VPS37B: variants seen among roughly 807,000 people sequenced by gnomAD.
The protein encoded by VPS37B is vacuolar protein sorting-associated protein 37B.
In VPS37B, 11 loss-of-function variants were observed where a neutral mutation model predicts 21.2. The observed-to-expected ratio is 0.52, with a 90% confidence interval of 0.33 to 0.86. The LOEUF (loss-of-function observed/expected upper bound fraction) is 0.86, where lower values mean the gene tolerates loss of function less well. VPS37B is among the 40% of genes least tolerant of loss of function. The pLI is 0.03. For synonymous variants in VPS37B, 175 were observed against 159.6 expected, an observed-to-expected ratio of 1.10 and a Z score of -0.73; for missense variants, 389 against 374.8, an observed-to-expected ratio of 1.04 and a Z score of -0.31.
chr12:122,895,385 C>T (rs2034476615), intron 1 of VPS37B, among the ~76,000 whole-genome samples: 1 of 150,588 alleles, frequency 6.6e-6, no homozygotes, highest in Non-Finnish European at 1.5e-5. Context: ...TGTCCCCAAC[C>T]TTTCCTCTCA....
At position 122,868,900 on chromosome 12, in the gene VPS37B, C is replaced by T. The variant is rs74576728; in HGVS notation, c.284-338G>A. Among the ~76,000 whole-genome samples, 1,931 of 152,254 alleles carry T rather than the reference C, an allele frequency of 0.013. 44 individuals carry two copies. Among genetic ancestry groups the T allele is most frequent in the African/African-American group, 0.044 (1,825 of 41,530 alleles). ...TAAGTCAAATTTCCACGTGTTTAAC[C>T]GCCAACCACCACCCCCCAGATCCAG... On this transcript the variant is annotated intron_variant, in intron 2 of 3. Coordinates refer to ENST00000267202, the MANE Select transcript of VPS37B (RefSeq NM_024667.3). This position sits in a 1 kb window ranked among gnomAD's most constrained non-coding sequence, Gnocchi z 5.5.
chr12:122,888,556 T>C, intron 1 of VPS37B: 1 of 455,980 alleles, frequency 2.2e-6, no homozygotes, highest in South Asian at 1.5e-5. Context: ...CTGCTACAAA[T>C]ACTGTAATCA....
At chr12:122,890,337 CT>C (rs1169226130) in intron 1 of VPS37B, among the ~76,000 whole-genome samples, 3,652 of 141,096 alleles carry the variant, frequency 0.026, 93 homozygotes, top group African/African-American at 0.082. Context: ...TCACACGTGG[CT>C]TTTTTTTTTT....
At chr12:122,888,449 A>G (rs747068678) in intron 1 of VPS37B, 1 of 429,928 alleles carries the variant, frequency 2.3e-6, no homozygotes, top group Non-Finnish European at 4.7e-6. Context: ...TTGTCTCAGC[A>G]TGTTCTGAGC....
rs1472621668 is a variant in VPS37B, at chr12:122,870,898, G to T, written c.275C>A (p.Thr92Asn). The change falls in exon 2 of 4, where the codon ACC (threonine) becomes AAC (asparagine). Residue 92 changes from threonine (T) to asparagine (N), a missense_variant. Transcript: ENST00000267202. ...CACCCTTAAAAAGTTACCTAATTTG[G>T]TCTTCTTTATCTGATAGGCTTCAAA... is the stretch of plus-strand genomic sequence containing the variant. ...VLFEAYQIKK[T>N]KLDRQSSSAS... 1 of 1,611,326 alleles carries T rather than the reference G, an allele frequency of 6.2e-7. No homozygotes were observed. Among genetic ancestry groups the T allele is most frequent in the East Asian group, 2.2e-5 (1 of 44,824 alleles).
rs1031403863 is a variant in VPS37B at position 122,871,680 on chromosome 12, G to A, written c.112-619C>T. The stretch of plus-strand genomic sequence containing the variant: ...AGCCGACCAAAAGCTGGGGGAAGAG[G>A]GGGGACATATTTTGCCCATCAGGGA... On this transcript the variant is annotated intron_variant, in intron 1 of 3. Transcript: ENST00000267202. The A allele has an allele frequency of 3.9e-5, 38 of 985,456 alleles. No individual in the cohort carries two copies. The African/African-American group carries it at 6.3e-4, about 16-fold the overall frequency. The allele number at this position is 985,456 out of a possible 1,614,324, so 61.0% of individuals were successfully genotyped here.
chr12:122,867,034 A>G lies in VPS37B; in HGVS notation c.*82T>C. 7.0e-7 allele frequency: 1 copy of G among 1,436,038 alleles called. No individual in the cohort carries two copies. Among genetic ancestry groups the G allele is most frequent in the South Asian group, 1.5e-5 (1 of 65,254 alleles). 89.0% of individuals were successfully genotyped at this position (1,436,038 alleles called of 1,614,324 possible). On this transcript the variant is annotated 3_prime_UTR_variant, in exon 4 of 4. Coordinates refer to ENST00000267202, the MANE Select transcript of VPS37B (RefSeq NM_024667.3). This position sits in a 1 kb window ranked among gnomAD's most constrained non-coding sequence, Gnocchi z 5.5. Reference sequence around the variant, plus strand: ...CAGGGCCCCAGAGCCCTTGGCACAGAGCGGACCTCCAGCCTCCTTCCCGTG... The same window carrying G: ...CAGGGCCCCAGAGCCCTTGGCACAGGGCGGACCTCCAGCCTCCTTCCCGTG...
chr12:122,891,920 C>T (rs2034417545), intron 1 of VPS37B, among the ~76,000 whole-genome samples: 1 of 152,240 alleles, frequency 6.6e-6, no homozygotes, highest in Non-Finnish European at 1.5e-5. Flanking sequence ...TGGGCATTTT[C>T]ATGCCATGGG....
intron 1 of VPS37B, among the ~76,000 whole-genome samples, chr12:122,892,846 A>G (rs1371500278): frequency 2.0e-5 from 3 of 152,250 alleles, no homozygotes; most frequent in Non-Finnish European, 4.4e-5. Flanking sequence ...AGATCACCTG[A>G]GGTTAGGAGT....
intron 1 of VPS37B, chr12:122,872,622 T>C (rs2034060463): frequency 1.0e-6 from 1 of 985,316 alleles, no homozygotes; most frequent in Non-Finnish European, 1.2e-6. Context: ...CTCCATGGGC[T>C]TTCTATGCCA....
At chr12:122,873,061 T>C (rs1015991373) in intron 1 of VPS37B, 3 of 152,216 alleles carry the variant, frequency 2.0e-5, no homozygotes, top group Admixed American at 6.5e-5. Flanking sequence ...CACAACACCC[T>C]TGAAATACAA....
chr12:122,870,563 CCT>C (rs1040851365), intron 2 of VPS37B: 1 of 194,800 alleles, frequency 5.1e-6, no homozygotes, highest in African/African-American at 2.4e-5. Context: ...AGCAAGACAA[CCT>C]CTCTGCAAAA....
chr12:122,880,908 G>A (rs1264461258), intron 1 of VPS37B: 1 of 152,170 alleles, frequency 6.6e-6, no homozygotes, highest in African/African-American at 2.4e-5. Flanking sequence ...ATCCTCCTAC[G>A]TAAGGCACTG....
chr12:122,887,553 A>G (rs2034346717), intron 1 of VPS37B: 1 of 152,180 alleles, frequency 6.6e-6, no homozygotes, highest in Admixed American at 6.5e-5. Flanking sequence ...TTACCTGGCT[A>G]ACTCTTAACT....
intron 1 of VPS37B, chr12:122,886,398 T>C (rs900022959): frequency 1.3e-5 from 2 of 152,182 alleles, no homozygotes; most frequent in African/African-American, 2.4e-5. Flanking sequence ...GGCAGAAGGA[T>C]TGCTTGAGCT....
At chr12:122,890,456 T>C (rs1376377569) in intron 1 of VPS37B, among the ~76,000 whole-genome samples, 1 of 151,912 alleles carries the variant, frequency 6.6e-6, no homozygotes, top group Non-Finnish European at 1.5e-5. Context: ...CTCAGCCTCC[T>C]GAATATCTGG....
chr12:122,873,228 G>A (rs1242942127), intron 1 of VPS37B: 5 of 152,198 alleles, frequency 3.3e-5, no homozygotes, highest in Admixed American at 1.3e-4. Context: ...TTCACCAGAT[G>A]TTACCCAGGG....
chr12:122,894,267 G>A (rs1201620157), intron 1 of VPS37B, among the ~76,000 whole-genome samples: 2 of 152,222 alleles, frequency 1.3e-5, no homozygotes, highest in Admixed American at 6.5e-5. Flanking sequence ...TCTCCAAAAT[G>A]GAAGGTGCCA....
rs765868976 is a variant in VPS37B at position 122,867,652 on chromosome 12, G to A, written c.367-45C>T. 15 of 1,603,802 alleles carry A rather than the reference G, an allele frequency of 9.4e-6. No homozygotes were observed. Among genetic ancestry groups the A allele is most frequent in the Middle Eastern group, 1.7e-4 (1 of 6,028 alleles). On this transcript the variant is annotated intron_variant, in intron 3 of 3. Coordinates refer to ENST00000267202, the MANE Select transcript of VPS37B (RefSeq NM_024667.3). This position sits in a 1 kb window ranked among gnomAD's most constrained non-coding sequence, Gnocchi z 5.5. ...GGTTACAGGGACAGCCAGATGGGGA[G>A]GATGCTCCCTTCGTGGTCTAGGCAC... is the stretch of plus-strand genomic sequence containing the variant.
Sources: allele counts gnomAD v4.1 joint callset (sites outside exome capture counted in the v4.1 genomes callset), GRCh38; gene constraint gnomAD v4.1.1; non-coding constraint Gnocchi (gnomAD v3.1); transcripts MANE v1.5; gene names NCBI Gene and HGNC (gene_info 2026-07-23, HGNC 2026-07-21).